The following MAST4 variants were observed in gnomAD, a reference collection of about 807,000 sequenced individuals.
MAST4 encodes the protein microtubule associated serine/threonine kinase family member 4.
Under a neutral mutation model 162.7 loss-of-function variants are expected in MAST4, and 89 were observed. That is an observed-to-expected ratio of 0.55 (90% CI 0.46 to 0.65). The LOEUF is 0.65. Among genes scored for constraint, MAST4 ranks in the 30% least tolerant of loss-of-function variants. The pLI is 0.00. For missense variants in MAST4, 3,153 were observed against 3,374.0 expected (o/e 0.93, Z 1.62); for synonymous variants, 1,479 against 1,361.1 (o/e 1.09, Z -1.91).
At chr5:66,693,729 C>T (rs1366477975) in intron 1 of MAST4, among the ~76,000 whole-genome samples, 1 of 152,024 alleles carries the variant, frequency 6.6e-6, no homozygotes, top group East Asian at 1.9e-4. Context: ...TATCAAATCT[C>T]TTAAGATATG....
intron 1 of MAST4, among the ~76,000 whole-genome samples, chr5:66,621,390 G>A (rs530711813): frequency 2.6e-5 from 4 of 152,276 alleles, no homozygotes; most frequent in Middle Eastern, 3.4e-3. Flanking sequence ...GAAAATGTTT[G>A]GATAGCATGT....
At chr5:66,760,075 C>G (rs901405859) in intron 2 of MAST4, among the ~76,000 whole-genome samples, 5 of 119,030 alleles carry the variant, frequency 4.2e-5, no homozygotes, top group African/African-American at 1.6e-4. Flanking sequence ...TGACAATATC[C>G]CCTATTTATT....
chr5:66,796,719 A>T (rs898976488), intron 3 of MAST4, among the ~76,000 whole-genome samples: 3 of 152,140 alleles, frequency 2.0e-5, no homozygotes, highest in African/African-American at 7.2e-5. Context: ...TGCATGTTAG[A>T]GCTTATTTAT....
intron 14 of MAST4, among the ~76,000 whole-genome samples, chr5:67,128,754 G>A (rs1163109582): frequency 6.6e-6 from 1 of 152,004 alleles, no homozygotes; most frequent in African/African-American, 2.4e-5. Flanking sequence ...CATTGTTCAG[G>A]GATGGCTAAG....
At chr5:66,876,728 G>T (rs1761325587) in intron 3 of MAST4, among the ~76,000 whole-genome samples, 1 of 152,196 alleles carries the variant, frequency 6.6e-6, no homozygotes, top group South Asian at 2.1e-4. Flanking sequence ...CCTAAAGAGG[G>T]CATGTTTGTA....
intron 4 of MAST4, among the ~76,000 whole-genome samples, chr5:66,938,927 G>T (rs1743055261): frequency 6.6e-6 from 1 of 152,114 alleles, no homozygotes; most frequent in African/African-American, 2.4e-5. Context: ...GGGGAACACT[G>T]ATTTAGAGCC....
chr5:67,162,116 C>T (rs1773250440), intron 27 of MAST4, among the ~76,000 whole-genome samples: 1 of 152,176 alleles, frequency 6.6e-6, no homozygotes, highest in South Asian at 2.1e-4. Context: ...TAGGAATATT[C>T]AAGAGCCCAC....
At chr5:66,848,780 G>T (rs1759080444) in intron 3 of MAST4, among the ~76,000 whole-genome samples, 1 of 152,048 alleles carries the variant, frequency 6.6e-6, no homozygotes, top group Non-Finnish European at 1.5e-5. Context: ...ACTTATGAAA[G>T]TTGTACTCAT....
chr5:67,132,227 G>C (rs1224103263), intron 16 of MAST4, among the ~76,000 whole-genome samples: 4 of 152,016 alleles, frequency 2.6e-5, no homozygotes, highest in Non-Finnish European at 5.9e-5. Flanking sequence ...AGAACGTGCA[G>C]GTTTGTTACA....
chr5:66,968,726 A>G (rs1020034227), intron 4 of MAST4, among the ~76,000 whole-genome samples: 1 of 152,194 alleles, frequency 6.6e-6, no homozygotes, highest in Non-Finnish European at 1.5e-5. Context: ...GCACCTTGAG[A>G]AAAAGGACTT....
At chr5:66,695,641 T>C (rs978776631) in intron 1 of MAST4, among the ~76,000 whole-genome samples, 2 of 152,078 alleles carry the variant, frequency 1.3e-5, no homozygotes, top group African/African-American at 4.8e-5. Context: ...GATTTTTCCA[T>C]ACAACAATGA....
intron 4 of MAST4, among the ~76,000 whole-genome samples, chr5:66,976,326 T>A (rs1486172846): frequency 6.6e-6 from 1 of 152,242 alleles, no homozygotes; most frequent in East Asian, 1.9e-4. Context: ...TGCTGTGAAC[T>A]GCTCCAGGCC....
chr5:67,039,769 G>C (rs529236340), intron 4 of MAST4, among the ~76,000 whole-genome samples: 1 of 152,112 alleles, frequency 6.6e-6, no homozygotes, highest in Non-Finnish European at 1.5e-5. Context: ...TCTACACACA[G>C]ATCCCTCTCC....
chr5:66,820,424 A>G (rs1416391801), intron 3 of MAST4, among the ~76,000 whole-genome samples: 1 of 152,178 alleles, frequency 6.6e-6, no homozygotes, highest in Non-Finnish European at 1.5e-5. Context: ...CACTTCACTC[A>G]TCTATTCTCT....
intron 3 of MAST4, among the ~76,000 whole-genome samples, chr5:66,818,783 C>T (rs556792559): frequency 7.2e-5 from 11 of 152,296 alleles, no homozygotes; most frequent in South Asian, 2.1e-4. Context: ...AACATGGCGG[C>T]CACCTGGGCC....
At chr5:66,938,877 T>C (rs1340012500) in intron 4 of MAST4, among the ~76,000 whole-genome samples, 1 of 152,168 alleles carries the variant, frequency 6.6e-6, no homozygotes, top group Non-Finnish European at 1.5e-5. Context: ...AAAAAGTCTA[T>C]TAAAGTTCTT....
intron 3 of MAST4, among the ~76,000 whole-genome samples, chr5:66,879,546 C>T (rs1761552837): frequency 6.6e-6 from 1 of 152,196 alleles, no homozygotes; most frequent in Admixed American, 6.5e-5. Flanking sequence ...CTCACTCTCT[C>T]ACCAAGCCTA....
intron 3 of MAST4, among the ~76,000 whole-genome samples, chr5:66,832,877 T>A (rs1182805098): frequency 3.3e-5 from 5 of 152,206 alleles, no homozygotes; most frequent in African/African-American, 1.2e-4. Flanking sequence ...TGAGACTTCT[T>A]TGGGACAGGA....
chr5:66,643,083 T>G lies in MAST4; in HGVS notation c.363+46065T>G, dbSNP rs538853923. Among the ~76,000 whole-genome samples the G allele has an allele frequency of 1.1e-4, 17 of 152,274 alleles. 1 individual carries two copies. The East Asian group carries it at 1.9e-3, about 17-fold the overall frequency. ...TAAAAAATATATATGGCTGACACGC[T>G]CAGATCTGTATTCTAGGGTAGAAAT... On this transcript the variant is annotated intron_variant, in intron 1 of 28. Coordinates refer to ENST00000403625, the MANE Select transcript of MAST4 (RefSeq NM_001164664.2).
Sources: allele counts gnomAD v4.1 joint callset (sites outside exome capture counted in the v4.1 genomes callset), GRCh38; gene constraint gnomAD v4.1.1; transcripts MANE v1.5; gene names NCBI Gene and HGNC (gene_info 2026-07-23, HGNC 2026-07-21).